DPH6: variants seen among roughly 807,000 people sequenced by gnomAD.
The protein encoded by DPH6 is diphthine--ammonia ligase.
DPH6 carries 33 observed loss-of-function variants against 38.2 expected under a neutral mutation model. That is an observed-to-expected ratio of 0.86 (90% CI 0.65 to 1.15). The LOEUF is 1.15. Among genes scored for constraint, DPH6 ranks in the 50% most tolerant of loss-of-function variants. The probability of loss-of-function intolerance (pLI) is 0.00; values close to 1 mark genes in which losing one functional copy is unlikely to be tolerated. For synonymous variants in DPH6, 108 were observed against 103.0 expected, an observed-to-expected ratio of 1.05 and a Z score of -0.30; for missense variants, 325 against 320.0, an observed-to-expected ratio of 1.02 and a Z score of -0.12.
intron 5 of DPH6, among the ~76,000 whole-genome samples, chr15:35,436,255 A>G (rs972407614): frequency 6.6e-6 from 1 of 151,718 alleles, no homozygotes; most frequent in Non-Finnish European, 1.5e-5. Flanking sequence ...TCACGAGGTC[A>G]GGAGATCAAG....
intron 3 of DPH6, among the ~76,000 whole-genome samples, chr15:35,510,225 C>CA (rs1330688471): frequency 6.6e-6 from 1 of 151,936 alleles, no homozygotes; most frequent in Non-Finnish European, 1.5e-5. Flanking sequence ...AAAACAAAAA[C>CA]AAAAAACAGG....
rs200034894 is a variant in DPH6 at position 35,505,899 on chromosome 15, T to TAAG, written c.312+32372_312+32374dup. 3.1e-3 allele frequency among the ~76,000 whole-genome samples: 471 copies of TAAG among 152,244 alleles called. 3 individuals are homozygous for TAAG. In the East Asian group the frequency reaches 0.035, roughly 11 times the overall value. The stretch of plus-strand genomic sequence containing the variant: ...ATTTTTTGCCTTATAGGTGGAACTC[T>TAAG]AAGCAGAGAGATTTAATGACCATTT... On this transcript the variant is annotated intron_variant, in intron 3 of 8. Coordinates refer to ENST00000256538, the MANE Select transcript of DPH6 (RefSeq NM_080650.4).
intron 3 of DPH6, among the ~76,000 whole-genome samples, chr15:35,515,966 A>C (rs895284426): frequency 1.3e-5 from 2 of 152,116 alleles, no homozygotes; most frequent in African/African-American, 4.8e-5. Context: ...CTAGTTAAGA[A>C]GTTTTTAATA....
Position 35,341,378 on chromosome 15 carries a change from CT to C in DPH6, n.208-10302del, listed in dbSNP as rs542626724. Among the ~76,000 whole-genome samples, 12 of 152,310 alleles carry C rather than the reference CT, an allele frequency of 7.9e-5. No homozygotes were observed. In the East Asian group the frequency reaches 2.3e-3, roughly 29 times the overall value. On this transcript the variant is annotated intron_variant and non_coding_transcript_variant, in intron 3 of 3. Transcript: ENST00000558973. ...CTGAAGCCTACTTCTATTAATTCAGCTATCTCAGCCTCAGCCCAGTTCTGTG... is the reference window on the plus strand; with the variant it reads ...CTGAAGCCTACTTCTATTAATTCAGCATCTCAGCCTCAGCCCAGTTCTGTG...
intron 3 of DPH6, among the ~76,000 whole-genome samples, chr15:35,276,551 A>G (rs1055566493): frequency 1.3e-5 from 2 of 152,170 alleles, no homozygotes; most frequent in African/African-American, 2.4e-5. Context: ...GTCTTCTAGA[A>G]TTTTTATAGT....
At chr15:35,459,615 C>T (rs1795290499) in intron 3 of DPH6, among the ~76,000 whole-genome samples, 2 of 151,892 alleles carry the variant, frequency 1.3e-5, no homozygotes, top group East Asian at 1.9e-4. Flanking sequence ...CTTGAAGCCA[C>T]GGGAGCAAAC....
chr15:35,232,774 T>G (rs144589415), intron 3 of DPH6, among the ~76,000 whole-genome samples: 2 of 152,152 alleles, frequency 1.3e-5, no homozygotes, highest in Non-Finnish European at 2.9e-5. Flanking sequence ...AGGAGTATGG[T>G]ATAACATTTT....
intron 3 of DPH6, among the ~76,000 whole-genome samples, chr15:35,456,397 G>C (rs1459417126): frequency 7.3e-5 from 11 of 150,422 alleles, no homozygotes; most frequent in Non-Finnish European, 3.0e-5. Context: ...TATTTCTCTA[G>C]AGATCATGGA....
At chr15:35,404,235 A>G (rs1296151876) in intron 6 of DPH6, among the ~76,000 whole-genome samples, 1 of 152,154 alleles carries the variant, frequency 6.6e-6, no homozygotes, top group African/African-American at 2.4e-5. Flanking sequence ...TCTTTTGGGT[A>G]TATATCTAGC....
intron 3 of DPH6, among the ~76,000 whole-genome samples, chr15:35,269,502 G>A (rs2051807121): frequency 6.6e-6 from 1 of 151,954 alleles, no homozygotes; most frequent in Non-Finnish European, 1.5e-5. Flanking sequence ...TTGAGACGGA[G>A]TCACCCAGGC....
At chr15:35,461,209 G>A (rs369409643) in intron 3 of DPH6, among the ~76,000 whole-genome samples, 2 of 152,170 alleles carry the variant, frequency 1.3e-5, no homozygotes, top group African/African-American at 2.4e-5. Flanking sequence ...CTCAGCCTTC[G>A]AATAGCTGGG....
intron 3 of DPH6, among the ~76,000 whole-genome samples, chr15:35,496,567 A>AAATATAT: frequency 9.7e-5 from 3 of 31,018 alleles, no homozygotes; most frequent in South Asian, 2.9e-3. Context: ...AAAAAAAAAA[A>AAATATAT]ATATATATAT....
At chr15:35,248,844 G>A (rs1208499578) in intron 3 of DPH6, among the ~76,000 whole-genome samples, 1 of 152,136 alleles carries the variant, frequency 6.6e-6, no homozygotes, top group Non-Finnish European at 1.5e-5. Context: ...AATGAGATTA[G>A]AATTTTACCC....
intron 3 of DPH6, among the ~76,000 whole-genome samples, chr15:35,353,295 T>A (rs1229382841): frequency 2.6e-5 from 4 of 152,344 alleles, no homozygotes; most frequent in African/African-American, 7.2e-5. Context: ...TAGATCCCAT[T>A]TGTCAATTTT....
intron 6 of DPH6, among the ~76,000 whole-genome samples, chr15:35,388,805 C>A (rs1265831792): frequency 6.6e-6 from 1 of 151,990 alleles, no homozygotes; most frequent in African/African-American, 2.4e-5. Context: ...CCTGGATTCA[C>A]TGATTTTTTG....
At chr15:35,410,092 C>T (rs1386490024) in intron 6 of DPH6, among the ~76,000 whole-genome samples, 3 of 151,620 alleles carry the variant, frequency 2.0e-5, no homozygotes, top group African/African-American at 7.3e-5. Context: ...ATTAACAAAG[C>T]CTAGAGACAA....
At chr15:35,149,021 A>G in the DPH6 span, among the ~76,000 whole-genome samples, 1 of 151,882 alleles carries the variant, frequency 6.6e-6, no homozygotes, top group Non-Finnish European at 1.5e-5. Flanking sequence ...CCCCTCCTGA[A>G]TCCTGCTCAG....
the DPH6 span, among the ~76,000 whole-genome samples, chr15:35,146,750 C>T: frequency 2.0e-5 from 3 of 152,238 alleles, no homozygotes; most frequent in South Asian, 4.1e-4. Flanking sequence ...TTAGCCTGTA[C>T]ATTATTCATA....
intron 3 of DPH6, among the ~76,000 whole-genome samples, chr15:35,497,294 T>A (rs897978455): frequency 3.3e-5 from 5 of 152,218 alleles, no homozygotes; most frequent in Non-Finnish European, 7.3e-5. Flanking sequence ...TAAATTAATA[T>A]GAGAAATGGG....
Sources: gnomAD v4.1 joint callset for allele counts (sites outside exome capture counted in the v4.1 genomes callset) on GRCh38, gnomAD v4.1.1 for gene constraint, MANE v1.5 for transcripts, NCBI Gene and HGNC (gene_info 2026-07-23, HGNC 2026-07-21) for gene names.